Variants in PDE4D observed in about 807,000 individuals in gnomAD.
PDE4D encodes the protein 3',5'-cyclic-AMP phosphodiesterase 4D.
A neutral mutation model predicts 87.4 loss-of-function variants in PDE4D; 24 were observed. The ratio of observed to expected loss-of-function variants is 0.27; its 90% CI spans 0.20 to 0.39. The LOEUF (loss-of-function observed/expected upper bound fraction) is 0.39, where lower values mean the gene tolerates loss of function less well. PDE4D is among the 10% of genes least tolerant of loss of function. The pLI is 1.00. For synonymous variants in PDE4D, 384 were observed against 383.2 expected (o/e 1.00, Z -0.02); for missense variants, 714 against 1,041.0 (o/e 0.69, Z 4.32).
chr5:59,221,813 CT>C (rs1183162054), intron 1 of PDE4D, among the ~76,000 whole-genome samples: 1 of 152,140 alleles, frequency 6.6e-6, no homozygotes, highest in Admixed American at 6.6e-5. Context: ...TGCAAAAGGG[CT>C]TAGCAAATGG....
intron 1 of PDE4D, among the ~76,000 whole-genome samples, chr5:59,878,368 C>T (rs927621627): frequency 6.6e-6 from 1 of 152,152 alleles, no homozygotes; most frequent in African/African-American, 2.4e-5. Context: ...TTCAAACTTT[C>T]CCCCACTCAA....
chr5:59,031,643 G>A (rs112616249), intron 6 of PDE4D, among the ~76,000 whole-genome samples: 14,993 of 134,394 alleles, frequency 0.11, 1,246 homozygotes, highest in East Asian at 0.49. Context: ...GGGAGGCGGA[G>A]CTTGCAGTGA....
At chr5:60,017,307 A>G (rs2152849575) in intron 2 of PDE4D, among the ~76,000 whole-genome samples, 1 of 152,244 alleles carries the variant, frequency 6.6e-6, no homozygotes, top group East Asian at 1.9e-4. Context: ...ATTTAATTTT[A>G]AGTTGTTGGA....
chr5:59,741,068 A>T (rs1389060569), intron 1 of PDE4D, among the ~76,000 whole-genome samples: 1 of 152,198 alleles, frequency 6.6e-6, no homozygotes, highest in Non-Finnish European at 1.5e-5. Context: ...TCAAGAGGGC[A>T]CTGAGCAGAG....
At chr5:60,119,306 GT>G in intron 2 of PDE4D, among the ~76,000 whole-genome samples, 1 of 152,176 alleles carries the variant, frequency 6.6e-6, no homozygotes, top group Non-Finnish European at 1.5e-5. Context: ...ACCTAAGAAA[GT>G]TCTGTAAGTT....
chr5:60,211,927 G>A (rs1743268959), intron 1 of PDE4D, among the ~76,000 whole-genome samples: 1 of 152,098 alleles, frequency 6.6e-6, no homozygotes, highest in African/African-American at 2.4e-5. Context: ...TTGTGCATAG[G>A]CTACTTTTTG....
At chr5:59,521,374 GC>G (rs1408671863) in intron 1 of PDE4D, among the ~76,000 whole-genome samples, 1 of 152,186 alleles carries the variant, frequency 6.6e-6, no homozygotes, top group Non-Finnish European at 1.5e-5. Flanking sequence ...CCAGTCTCTT[GC>G]TGGAAACGTG....
At chr5:59,521,479 C>T (rs1421357492) in intron 1 of PDE4D, among the ~76,000 whole-genome samples, 6 of 152,112 alleles carry the variant, frequency 3.9e-5, no homozygotes, top group East Asian at 1.9e-4. Flanking sequence ...CCAGGTCATC[C>T]TCATCTCTTG....
intron 1 of PDE4D, among the ~76,000 whole-genome samples, chr5:59,585,003 G>C (rs1824862730): frequency 6.6e-6 from 1 of 152,134 alleles, no homozygotes; most frequent in East Asian, 1.9e-4. Flanking sequence ...CTCACCAACA[G>C]AACAAGCAAG....
chr5:60,098,016 A>G (rs955625240), intron 2 of PDE4D, among the ~76,000 whole-genome samples: 2 of 151,978 alleles, frequency 1.3e-5, no homozygotes, highest in African/African-American at 4.8e-5. Flanking sequence ...TCCAGCACCC[A>G]GTATCTGATG....
intron 1 of PDE4D, among the ~76,000 whole-genome samples, chr5:60,468,484 T>A (rs573350446): frequency 1.3e-5 from 2 of 152,168 alleles, no homozygotes; most frequent in East Asian, 1.9e-4. Context: ...AATATACTTC[T>A]AACTTTCTCA....
At chr5:59,415,385 G>A (rs1271974752) in intron 1 of PDE4D, among the ~76,000 whole-genome samples, 1 of 152,208 alleles carries the variant, frequency 6.6e-6, no homozygotes, top group Non-Finnish European at 1.5e-5. Flanking sequence ...AATACAGTCA[G>A]TGAGTGGCAG....
intron 2 of PDE4D, among the ~76,000 whole-genome samples, chr5:60,005,450 C>T (rs1440961249): frequency 6.6e-6 from 1 of 151,692 alleles, no homozygotes. Flanking sequence ...GTTAAGTATC[C>T]TTAATACTTA....
At chr5:60,343,579 C>G (rs1403140384) in intron 1 of PDE4D, among the ~76,000 whole-genome samples, 1 of 152,206 alleles carries the variant, frequency 6.6e-6, no homozygotes, top group East Asian at 1.9e-4. Flanking sequence ...CCATTCTTCA[C>G]CTTTCTCCTT....
chr5:59,092,919 T>C (rs1276947738), intron 5 of PDE4D, among the ~76,000 whole-genome samples: 1 of 152,188 alleles, frequency 6.6e-6, no homozygotes, highest in African/African-American at 2.4e-5. Context: ...TCAGCTATCG[T>C]TCCCCTGGAT....
intron 1 of PDE4D, among the ~76,000 whole-genome samples, chr5:59,360,044 T>A (rs1781964477): frequency 6.6e-6 from 1 of 152,174 alleles, no homozygotes; most frequent in Non-Finnish European, 1.5e-5. Context: ...CTTGAATATT[T>A]CTGGGATTTT....
intron 1 of PDE4D, among the ~76,000 whole-genome samples, chr5:59,714,691 G>A (rs886493462): frequency 1.3e-5 from 2 of 152,204 alleles, no homozygotes; most frequent in Admixed American, 6.5e-5. Flanking sequence ...TCGCCTTCAC[G>A]GGAAGGTGAC....
At chr5:59,932,276 A>G (rs1490003604) in intron 3 of PDE4D, among the ~76,000 whole-genome samples, 1 of 152,206 alleles carries the variant, frequency 6.6e-6, no homozygotes, top group African/African-American at 2.4e-5. Flanking sequence ...GACTATACCA[A>G]CAAAGAAATA....
chr5:59,683,882 C>T lies in PDE4D; in HGVS notation c.455+209286G>A, dbSNP rs115810434. ...CAATATTTTTGTCATTCAGCCTGGC[C>T]CACATGACTCTGAGATGTTCTGAAT... On this transcript the variant is annotated intron_variant, in intron 1 of 14. Coordinates refer to ENST00000340635, the MANE Select transcript of PDE4D (RefSeq NM_001104631.2). Among the ~76,000 whole-genome samples, 272 of 152,176 alleles carry T rather than the reference C, an allele frequency of 1.8e-3. 4 individuals are homozygous for T. Among genetic ancestry groups the T allele is most frequent in the African/African-American group, 6.4e-3 (265 of 41,512 alleles).
Sources: gnomAD v4.1 joint callset for allele counts (sites outside exome capture counted in the v4.1 genomes callset) on GRCh38, gnomAD v4.1.1 for gene constraint, MANE v1.5 for transcripts, NCBI Gene and HGNC (gene_info 2026-07-23, HGNC 2026-07-21) for gene names.